The following FRMD6 variants were observed in gnomAD, a reference collection of about 807,000 sequenced individuals.
FRMD6 encodes FERM domain containing 6, also known as FERM domain-containing protein 6.
FRMD6 carries 37 observed loss-of-function variants against 73.2 expected under a neutral mutation model. The observed-to-expected ratio is 0.51, with a 90% CI of 0.39 to 0.66. FRMD6 has a LOEUF of 0.66. Among genes scored for constraint, FRMD6 ranks in the 30% least tolerant of loss-of-function variants. The pLI, the probability that FRMD6 is intolerant of heterozygous loss-of-function variation, is 0.00. For missense variants in FRMD6, 714 were observed against 780.5 expected, an observed-to-expected ratio of 0.91 and a Z score of 1.02; for synonymous variants, 273 against 282.2, an observed-to-expected ratio of 0.97 and a Z score of 0.33.
intron 12 of FRMD6, among the ~76,000 whole-genome samples, chr14:51,723,782 A>G (rs1897776983): frequency 6.6e-6 from 1 of 151,910 alleles, no homozygotes; most frequent in Non-Finnish European, 1.5e-5. Context: ...CAAAAAAAAA[A>G]AAAAGAAAAA....
chr14:51,619,759 A>G (rs1890855156), intron 2 of FRMD6, among the ~76,000 whole-genome samples: 2 of 152,214 alleles, frequency 1.3e-5, no homozygotes, highest in African/African-American at 2.4e-5. Flanking sequence ...GCTACTTTGT[A>G]TGCTTTTTGG....
intron 4 of FRMD6, 118 bp downstream of exon 4, chr14:51,701,277 A>G: frequency 2.4e-6 from 1 of 425,226 alleles, no homozygotes; most frequent in Non-Finnish European, 4.2e-6. Context: ...TATATTTTCT[A>G]CTTTATCTAC....
At position 51,590,154 on chromosome 14, in the gene FRMD6, A is replaced by G. The variant is rs564265233; in HGVS notation, c.-147+19744A>G. 1.7e-4 allele frequency among the ~76,000 whole-genome samples: 26 copies of G among 152,274 alleles called. No homozygotes were observed. In the South Asian group the frequency reaches 5.4e-3, roughly 32 times the overall value. On this transcript the variant is annotated intron_variant, in intron 2 of 14. Coordinates refer to the FRMD6 transcript ENST00000356218. The stretch of plus-strand genomic sequence containing the variant: ...TTTCTCACCTTGTCTAAAAATATAG[A>G]AAAAAATAGGTTTGTAATTCCCAAT...
chr14:51,585,960 T>TATATATAA (rs369811499), intron 2 of FRMD6, among the ~76,000 whole-genome samples: 26 of 91,266 alleles, frequency 2.8e-4, no homozygotes, highest in South Asian at 7.4e-4. Flanking sequence ...TATATATATA[T>TATATATAA]AACATTTTCT....
intron 2 of FRMD6, among the ~76,000 whole-genome samples, chr14:51,609,233 C>T (rs994991953): frequency 1.3e-5 from 2 of 152,144 alleles, no homozygotes; most frequent in African/African-American, 4.8e-5. Flanking sequence ...ATCCAAGAGA[C>T]AGGTGGCCAA....
chr14:51,630,980 GA>G (rs1891315312), intron 2 of FRMD6, among the ~76,000 whole-genome samples: 1 of 152,106 alleles, frequency 6.6e-6, no homozygotes, highest in African/African-American at 2.4e-5. Flanking sequence ...GGCAGTTTCA[GA>G]AGGAATGTAG....
intron 2 of FRMD6, among the ~76,000 whole-genome samples, chr14:51,624,835 G>A (rs1403811093): frequency 6.6e-6 from 1 of 152,142 alleles, no homozygotes; most frequent in South Asian, 2.1e-4. Context: ...TCAGAGCTGA[G>A]AGAGGTTGGA....
intron 2 of FRMD6, among the ~76,000 whole-genome samples, chr14:51,571,228 A>C (rs1888118996): frequency 6.6e-6 from 1 of 152,070 alleles, no homozygotes; most frequent in African/African-American, 2.4e-5. Flanking sequence ...AGAAAATAAA[A>C]ATTAGCCAGG....
intron 1 of FRMD6, among the ~76,000 whole-genome samples, chr14:51,521,612 G>A (rs531617648): frequency 2.6e-5 from 4 of 151,748 alleles, no homozygotes; most frequent in East Asian, 3.9e-4. Flanking sequence ...TGGAAGAGAA[G>A]CATGCATTGC....
At chr14:51,452,689 G>A in the FRMD6 span, among the ~76,000 whole-genome samples, 3 of 152,304 alleles carry the variant, frequency 2.0e-5, no homozygotes, top group East Asian at 3.9e-4. Context: ...ATTAAATGCT[G>A]CAGAATGAAA....
At chr14:51,429,266 C>T in the FRMD6 span, among the ~76,000 whole-genome samples, 1 of 152,182 alleles carries the variant, frequency 6.6e-6, no homozygotes, top group East Asian at 1.9e-4. Flanking sequence ...AATTCCTCTT[C>T]CTCAAAATTG....
the FRMD6 span, among the ~76,000 whole-genome samples, chr14:51,464,714 G>A: frequency 6.6e-6 from 1 of 152,166 alleles, no homozygotes; most frequent in Non-Finnish European, 1.5e-5. Flanking sequence ...GGGACTTCCA[G>A]ACAGAACGTA....
chr14:51,442,576 C>T, the FRMD6 span, among the ~76,000 whole-genome samples: 1 of 152,136 alleles, frequency 6.6e-6, no homozygotes, highest in Non-Finnish European at 1.5e-5. Flanking sequence ...GTTTTACTAT[C>T]TTCTGCTTAT....
chr14:51,728,140 T>G lies in FRMD6; in HGVS notation c.*111T>G, dbSNP rs983171686. On this transcript the variant is annotated 3_prime_UTR_variant, in exon 14 of 14. Coordinates refer to ENST00000344768, the MANE Select transcript of FRMD6 (RefSeq NM_001267046.2). ...ATATCTTCTTCACCCTAAACATAGC[T>G]CTTTCTTTATAATATTTGTGATGAT... The G allele has an allele frequency of 6.3e-6, 6 of 946,264 alleles. No individual in the cohort carries two copies. In the Admixed American group the frequency reaches 1.4e-4, roughly 22 times the overall value. The allele number at this position is 946,264 out of a possible 1,614,324, so 58.6% of individuals were successfully genotyped here.
chr14:51,714,664 GCT>G (rs1016168797), intron 9 of FRMD6: 1 of 152,104 alleles, frequency 6.6e-6, no homozygotes, highest in Admixed American at 6.5e-5. Context: ...CCAACTACCA[GCT>G]CTCTCTATGT....
chr14:51,634,049 A>T (rs1360388744), intron 2 of FRMD6, among the ~76,000 whole-genome samples: 1 of 152,262 alleles, frequency 6.6e-6, no homozygotes, highest in Non-Finnish European at 1.5e-5. Flanking sequence ...CAACGACATG[A>T]TTAGCCATGT....
intron 1 of FRMD6, among the ~76,000 whole-genome samples, chr14:51,685,545 T>C (rs1237077764): frequency 6.6e-6 from 1 of 152,216 alleles, no homozygotes; most frequent in African/African-American, 2.4e-5. Flanking sequence ...CTCATTTTAC[T>C]AAAGACATTT....
intron 1 of FRMD6, among the ~76,000 whole-genome samples, chr14:51,517,123 C>T (rs1884678366): frequency 6.6e-6 from 1 of 151,976 alleles, no homozygotes. Context: ...ATGAAAAATG[C>T]CTAAAATTTG....
chr14:51,727,069 A>T (rs572610823), intron 13 of FRMD6, among the ~76,000 whole-genome samples: 1 of 151,766 alleles, frequency 6.6e-6, no homozygotes, highest in Admixed American at 6.6e-5. Context: ...ATTTGGCGGA[A>T]CCCCCCCACC....
Sources: allele counts gnomAD v4.1 joint callset (sites outside exome capture counted in the v4.1 genomes callset), GRCh38; gene constraint gnomAD v4.1.1; transcripts MANE v1.5; gene names NCBI Gene and HGNC (gene_info 2026-07-23, HGNC 2026-07-21).